MYO9B: variants seen among roughly 807,000 people sequenced by gnomAD.
The protein encoded by MYO9B is unconventional myosin-IXb.
Under a neutral mutation model 229.5 loss-of-function variants are expected in MYO9B, and 71 were observed. The observed-to-expected ratio is 0.31, with a 90% confidence interval of 0.26 to 0.38. The LOEUF (loss-of-function observed/expected upper bound fraction) is 0.38. MYO9B is among the 10% of genes least tolerant of loss of function. The pLI is 1.00. For synonymous variants in MYO9B, 1,185 were observed against 1,235.8 expected, an observed-to-expected ratio of 0.96 and a Z score of 0.86; for missense variants, 2,255 against 2,920.5, an observed-to-expected ratio of 0.77 and a Z score of 5.25.
chr19:17,205,246 C>T lies in MYO9B; in HGVS notation c.4991-17C>T. The T allele has an allele frequency of 3.7e-6, 6 of 1,612,758 alleles. No homozygotes were observed. The highest frequency in any genetic ancestry group is 5.1e-6 in the Non-Finnish European group (6 of 1,179,116). On this transcript the variant is annotated splice_polypyrimidine_tract_variant and intron_variant, in intron 30 of 39. Transcript: ENST00000682292. ...TCCCCAGCACCCTCTGTGACTCCCA[C>T]CCTGTGGACCTCCTAGTGTGCAAGA...
Position 17,194,690 on chromosome 19 carries a change from C to A in MYO9B, c.3263C>A (p.Pro1088Gln). 2 of 1,612,786 alleles carry A rather than the reference C, an allele frequency of 1.2e-6. No homozygotes were observed. The highest frequency in any genetic ancestry group is 8.5e-7 in the Non-Finnish European group (1 of 1,179,860). Residue 1088 changes from proline to glutamine, a missense_variant, in exon 22 of 40, where the codon CCG becomes CAG. Coordinates refer to ENST00000682292, the MANE Select transcript of MYO9B (RefSeq NM_004145.4). ...AGGQQVAEQG[P>Q]EPAEDGGHLA... ...GGGCAGCAGGTAGCTGAGCAGGGGC[C>A]GGAGCCAGCGGAGGATGGCGGGCAC...
chr19:17,090,042 T>G (rs553228074), intron 1 of MYO9B, among the ~76,000 whole-genome samples: 1 of 151,122 alleles, frequency 6.6e-6, no homozygotes, highest in African/African-American at 2.4e-5. Flanking sequence ...ATATGGTCTT[T>G]CGTGTCTGAC....
chr19:17,201,048 G>T (rs561131581), intron 26 of MYO9B, among the ~76,000 whole-genome samples: 1 of 152,208 alleles, frequency 6.6e-6, no homozygotes, highest in Non-Finnish European at 1.5e-5. Flanking sequence ...AAACCAGCCT[G>T]GGCAACAGAG....
At chr19:17,077,229 A>G (rs1350633437) in intron 1 of MYO9B, among the ~76,000 whole-genome samples, 1 of 151,968 alleles carries the variant, frequency 6.6e-6, no homozygotes, top group Non-Finnish European at 1.5e-5. Context: ...CCCTTTCCCA[A>G]CTGTAGGGAT....
intron 1 of MYO9B, among the ~76,000 whole-genome samples, chr19:17,077,779 C>T (rs539710941): frequency 5.1e-4 from 78 of 152,320 alleles, no homozygotes; most frequent in Admixed American, 8.5e-4. Context: ...TTCCTGGCTG[C>T]GATGATCCTA....
In MYO9B at chr19:17,166,555, A is replaced by T. The variant is rs1288076355; in HGVS notation, c.1672-1388A>T. 2.0e-5 allele frequency among the ~76,000 whole-genome samples: 3 copies of T among 151,800 alleles called. No individual in the cohort carries two copies. In the East Asian group the frequency reaches 5.8e-4, roughly 29 times the overall value. ...ACATGTGCAGATTTGTTACATAGGT[A>T]AACTTGTGTCATGGGGGTTTGTTGT... On this transcript the variant is annotated intron_variant, in intron 10 of 39. Coordinates refer to ENST00000682292, the MANE Select transcript of MYO9B (RefSeq NM_004145.4).
chr19:17,096,613 G>T (rs537234175), intron 1 of MYO9B, among the ~76,000 whole-genome samples: 1 of 151,514 alleles, frequency 6.6e-6, no homozygotes, highest in South Asian at 2.1e-4. Context: ...GACAGAGTGA[G>T]ACCCTGTCTC....
At chr19:17,103,077 C>T (rs751718526) in intron 2 of MYO9B, among the ~76,000 whole-genome samples, 20 of 150,500 alleles carry the variant, frequency 1.3e-4, no homozygotes, top group Non-Finnish European at 2.1e-4. Context: ...AAAAGATTAC[C>T]GAAGTGCGGT....
At chr19:17,187,403 C>T (rs946447969) in intron 18 of MYO9B, among the ~76,000 whole-genome samples, 1 of 149,898 alleles carries the variant, frequency 6.7e-6, no homozygotes. Flanking sequence ...AGAACAGGCC[C>T]GGAACACTGG....
chr19:17,105,978 C>T (rs903589766), intron 2 of MYO9B, among the ~76,000 whole-genome samples: 1 of 151,294 alleles, frequency 6.6e-6, no homozygotes, highest in Non-Finnish European at 1.5e-5. Context: ...CTCCCCTCCC[C>T]TCCTCTCCCC....
At chr19:17,175,424 A>G (rs1192429081) in intron 13 of MYO9B, among the ~76,000 whole-genome samples, 1 of 152,034 alleles carries the variant, frequency 6.6e-6, no homozygotes, top group African/African-American at 2.4e-5. Flanking sequence ...GTCTCTACTA[A>G]AAATACAAAA....
At chr19:17,097,070 G>A (rs1219813139) in intron 1 of MYO9B, among the ~76,000 whole-genome samples, 3 of 151,866 alleles carry the variant, frequency 2.0e-5, no homozygotes, top group South Asian at 2.1e-4. Flanking sequence ...TTGGGAGGCC[G>A]AGGCGGGTGG....
chr19:17,132,516 A>G (rs1169016363), intron 2 of MYO9B, among the ~76,000 whole-genome samples: 1 of 94,638 alleles, frequency 1.1e-5, no homozygotes, highest in Non-Finnish European at 2.1e-5. Context: ...TTATTTATTT[A>G]TTATTATTAT....
At chr19:17,205,116 G>A (rs1300811018) in intron 30 of MYO9B, 147 bp from the exon 31 acceptor site, 7 of 607,464 alleles carry the variant, frequency 1.2e-5, no homozygotes, top group East Asian at 2.8e-5. Context: ...ACGCCATTGC[G>A]CTCTAGCCTG....
chr19:17,167,784 A>T, intron 10 of MYO9B, 159 bp from the exon 11 acceptor site: 2 of 939,694 alleles, frequency 2.1e-6, no homozygotes, highest in Non-Finnish European at 3.0e-6. Flanking sequence ...CAGCCCTATT[A>T]GAGTTAATTT....
chr19:17,124,787 C>A (rs10411952), intron 2 of MYO9B, among the ~76,000 whole-genome samples: 2 of 147,524 alleles, frequency 1.4e-5, no homozygotes, highest in Non-Finnish European at 1.5e-5. Flanking sequence ...AAGGTACAAA[C>A]AGACCAAAAT....
rs1264755015 is a variant in MYO9B at position 17,101,804 on chromosome 19, G to C, written c.87G>C (p.Glu29Asp). 1.9e-6 allele frequency: 3 copies of C among 1,606,878 alleles called. No homozygotes were observed. Among genetic ancestry groups the C allele is most frequent in the East Asian group, 4.5e-5 (2 of 44,774 alleles). Reference protein sequence around the residue: ...LHIYPQLSTTESQASCRVTAT... With the variant: ...LHIYPQLSTTDSQASCRVTAT... ...TCTACCCCCAGCTGTCCACCACCGAGAGCCAGGCCTCGTGCCGCGTGACTG... is the reference window on the plus strand; with the variant it reads ...TCTACCCCCAGCTGTCCACCACCGACAGCCAGGCCTCGTGCCGCGTGACTG... The change falls in exon 2 of 40, where the codon GAG becomes GAC. Residue 29 changes from glutamate (E) to aspartate (D), a missense_variant. Physicochemically the swap from Glu to Asp is conservative, Grantham distance 45. This residue lies in a region of MYO9B where 386 missense variants were observed against 515.2 expected (regional missense o/e 0.75). Coordinates refer to ENST00000682292, the MANE Select transcript of MYO9B (RefSeq NM_004145.4). This position sits in a 1 kb window ranked among gnomAD's most constrained non-coding sequence, Gnocchi z 4.7.
At chr19:17,085,234 A>G (rs2057571231) in intron 1 of MYO9B, among the ~76,000 whole-genome samples, 1 of 152,150 alleles carries the variant, frequency 6.6e-6, no homozygotes, top group South Asian at 2.1e-4. Flanking sequence ...AGAAAATGGA[A>G]CGAGCTCCCT....
chr19:17,137,085 C>T (rs971622447), intron 2 of MYO9B, among the ~76,000 whole-genome samples: 11 of 151,954 alleles, frequency 7.2e-5, no homozygotes, highest in African/African-American at 2.7e-4. Context: ...CAAAATTAGC[C>T]GGGGTGATGG....
Sources: allele counts gnomAD v4.1 joint callset (sites outside exome capture counted in the v4.1 genomes callset), GRCh38; gene constraint gnomAD v4.1.1; regional missense constraint gnomAD v4.1.1; non-coding constraint Gnocchi (gnomAD v3.1); transcripts MANE v1.5; gene names NCBI Gene and HGNC (gene_info 2026-07-23, HGNC 2026-07-21).